FGGY: variants seen among roughly 807,000 people sequenced by gnomAD.
FGGY encodes the protein FGGY carbohydrate kinase domain-containing protein.
Under a neutral mutation model 71.3 loss-of-function variants are expected in FGGY, and 72 were observed. The ratio of observed to expected loss-of-function variants is 1.01; its 90% CI spans 0.84 to 1.23. The LOEUF is 1.23. FGGY is among the 50% of genes most tolerant of loss of function. The pLI is 0.00. For synonymous variants in FGGY, 251 were observed against 250.3 expected (o/e 1.00, Z -0.02); for missense variants, 668 against 682.3 (o/e 0.98, Z 0.23).
chr1:59,650,227 C>G (rs1202225329), intron 11 of FGGY, among the ~76,000 whole-genome samples: 1 of 146,392 alleles, frequency 6.8e-6, no homozygotes, highest in Non-Finnish European at 1.5e-5. Context: ...TTTGTTGTGT[C>G]TCTGCCAGGG....
intron 14 of FGGY, among the ~76,000 whole-genome samples, chr1:59,723,311 C>T (rs1166888713): frequency 6.6e-6 from 1 of 152,170 alleles, no homozygotes; most frequent in Admixed American, 6.5e-5. Context: ...CATGAATTCA[C>T]ACTGGTTTCC....
chr1:59,601,205 C>T (rs577615030), intron 8 of FGGY, among the ~76,000 whole-genome samples: 10 of 152,270 alleles, frequency 6.6e-5, no homozygotes, highest in Non-Finnish European at 1.0e-4. Context: ...GGACGACTGG[C>T]GCCTGGAGCC....
At chr1:59,419,724 C>T (rs992269319) in intron 5 of FGGY, among the ~76,000 whole-genome samples, 2 of 152,084 alleles carry the variant, frequency 1.3e-5, no homozygotes, top group African/African-American at 4.8e-5. Flanking sequence ...ATTTTAGGTC[C>T]AGAGTTAAGC....
chr1:59,645,350 G>C (rs1313117691), intron 11 of FGGY, among the ~76,000 whole-genome samples: 1 of 152,136 alleles, frequency 6.6e-6, no homozygotes, highest in Non-Finnish European at 1.5e-5. Flanking sequence ...ATCTTTACGA[G>C]ATGGCCAGTA....
chr1:59,302,068 T>C (rs2042843074), intron 1 of FGGY, among the ~76,000 whole-genome samples: 1 of 152,100 alleles, frequency 6.6e-6, no homozygotes, highest in South Asian at 2.1e-4. Context: ...AGATTCTTAA[T>C]GTGGTGAATT....
intron 6 of FGGY, among the ~76,000 whole-genome samples, chr1:59,472,339 C>T (rs1450207230): frequency 5.3e-5 from 8 of 152,222 alleles, no homozygotes; most frequent in Admixed American, 1.3e-4. Context: ...GGGCTCGGAA[C>T]CTGCAGCCCG....
At chr1:59,532,182 T>C (rs1033479948) in intron 7 of FGGY, among the ~76,000 whole-genome samples, 22 of 152,188 alleles carry the variant, frequency 1.4e-4, no homozygotes, top group Admixed American at 4.6e-4. Flanking sequence ...GTGGGGATTC[T>C]AGAATTGAAA....
intron 11 of FGGY, among the ~76,000 whole-genome samples, chr1:59,653,677 G>A (rs190150126): frequency 7.2e-5 from 11 of 152,270 alleles, no homozygotes; most frequent in African/African-American, 1.7e-4. Context: ...AGATGAACCC[G>A]GTACCTCAGA....
chr1:59,705,802 C>T (rs1307291990), intron 14 of FGGY, among the ~76,000 whole-genome samples: 2 of 152,180 alleles, frequency 1.3e-5, no homozygotes, highest in Non-Finnish European at 2.9e-5. Flanking sequence ...CTGCTCAATA[C>T]ATGTTTGCTT....
chr1:59,467,299 G>A (rs910508283), intron 6 of FGGY, among the ~76,000 whole-genome samples: 14 of 151,950 alleles, frequency 9.2e-5, no homozygotes, highest in South Asian at 4.2e-4. Flanking sequence ...GGAATTGAAC[G>A]ATGAGAACAC....
intron 6 of FGGY, among the ~76,000 whole-genome samples, chr1:59,495,063 T>C (rs1232781407): frequency 6.6e-6 from 1 of 152,208 alleles, no homozygotes; most frequent in African/African-American, 2.4e-5. Flanking sequence ...TGTGAGATGG[T>C]ATCTCATTGT....
At chr1:59,572,500 G>A (rs1226667997) in intron 8 of FGGY, among the ~76,000 whole-genome samples, 1 of 152,190 alleles carries the variant, frequency 6.6e-6, no homozygotes, top group Non-Finnish European at 1.5e-5. Context: ...TTTAAGCACA[G>A]TGGATAAGAT....
rs188249716 is a variant in FGGY, at chr1:59,542,520, C to A, written c.800-11604C>A. Among the ~76,000 whole-genome samples, 45 of 124,110 alleles carry A rather than the reference C, an allele frequency of 3.6e-4. 2 individuals carry two copies. In the East Asian group the frequency reaches 0.011, roughly 30 times the overall value. 81.4% of individuals were successfully genotyped at this position (124,110 alleles called of 152,430 possible). A position where few individuals can be genotyped will look rare whatever the true frequency, so the allele number is the denominator to read the frequency against. On this transcript the variant is annotated intron_variant, in intron 7 of 15. Coordinates refer to ENST00000303721, the MANE Select transcript of FGGY (RefSeq NM_018291.5). ...TGTTGCCCAGGCTGGAGTGCGATGG[C>A]ACGATCTTGGCTCACTGCAACCTCC...
At chr1:59,494,599 GA>G (rs2093976226) in intron 6 of FGGY, among the ~76,000 whole-genome samples, 1 of 152,144 alleles carries the variant, frequency 6.6e-6, no homozygotes, top group African/African-American at 2.4e-5. Flanking sequence ...GGGAAATGAT[GA>G]TTTTACTTTT....
At chr1:59,754,917 C>T (rs569983598) in intron 14 of FGGY, 10 of 152,360 alleles carry the variant, frequency 6.6e-5, no homozygotes, top group Admixed American at 5.9e-4. Context: ...CTGCAGCTGT[C>T]AGCCAGCCTG....
At chr1:59,654,347 A>G (rs755595835) in intron 11 of FGGY, among the ~76,000 whole-genome samples, 2 of 152,018 alleles carry the variant, frequency 1.3e-5, no homozygotes, top group Non-Finnish European at 2.9e-5. Context: ...CATCAGCTCC[A>G]CCTTCATTAT....
intron 9 of FGGY, among the ~76,000 whole-genome samples, chr1:59,625,296 A>G (rs2096845489): frequency 6.6e-6 from 1 of 152,124 alleles, no homozygotes; most frequent in Admixed American, 6.5e-5. Context: ...TATTTTGTTT[A>G]GAGCCACCAA....
intron 14 of FGGY, among the ~76,000 whole-genome samples, chr1:59,728,661 C>T (rs1446211132): frequency 1.3e-5 from 2 of 151,780 alleles, no homozygotes; most frequent in Non-Finnish European, 2.9e-5. Flanking sequence ...GCATAGAATT[C>T]TAGGTTAGTG....
At chr1:59,386,466 A>T (rs569962920) in intron 5 of FGGY, among the ~76,000 whole-genome samples, 1 of 152,164 alleles carries the variant, frequency 6.6e-6, no homozygotes, top group Non-Finnish European at 1.5e-5. Context: ...TCACAACTTA[A>T]CACTATTGAT....
Sources: gnomAD v4.1 joint callset for allele counts (sites outside exome capture counted in the v4.1 genomes callset) on GRCh38, gnomAD v4.1.1 for gene constraint, MANE v1.5 for transcripts, NCBI Gene and HGNC (gene_info 2026-07-23, HGNC 2026-07-21) for gene names.